The following FER1L6 variants were observed in gnomAD, a reference collection of about 807,000 sequenced individuals.
FER1L6 encodes fer-1 like family member 6.
A neutral mutation model predicts 219.2 loss-of-function variants in FER1L6; 177 were observed. That is an observed-to-expected ratio of 0.81 (90% confidence interval 0.71 to 0.91). The LOEUF is 0.91. Among genes scored for constraint, FER1L6 ranks in the 40% least tolerant of loss-of-function variants. The pLI is 0.00. For missense variants in FER1L6, 2,153 were observed against 2,259.9 expected (o/e 0.95, Z 0.96); for synonymous variants, 768 against 824.3 (o/e 0.93, Z 1.17).
At chr8:123,968,058 T>G (rs531631611) in intron 5 of FER1L6, among the ~76,000 whole-genome samples, 1 of 152,134 alleles carries the variant, frequency 6.6e-6, no homozygotes, top group African/African-American at 2.4e-5. Flanking sequence ...CCAAATCCCA[T>G]TGGAGCTAAT....
At chr8:123,967,064 A>G (rs1815573111) in intron 5 of FER1L6, among the ~76,000 whole-genome samples, 1 of 149,096 alleles carries the variant, frequency 6.7e-6, no homozygotes, top group East Asian at 2.0e-4. Flanking sequence ...CCTGGGTGAC[A>G]GAGTGAGACT....
intron 1 of FER1L6, among the ~76,000 whole-genome samples, chr8:123,931,444 C>G (rs1813758466): frequency 6.6e-6 from 1 of 152,166 alleles, no homozygotes. Flanking sequence ...TTGCTATGTA[C>G]ACATCTGTTG....
chr8:123,995,660 A>G (rs1186375791), intron 12 of FER1L6, among the ~76,000 whole-genome samples: 1 of 151,612 alleles, frequency 6.6e-6, no homozygotes, highest in African/African-American at 2.4e-5. Flanking sequence ...TGTTGTTTAG[A>G]TTTCATTTAG....
At chr8:123,856,098 GTATA>G (rs1367425868) in intron 1 of FER1L6, among the ~76,000 whole-genome samples, 2 of 86,398 alleles carry the variant, frequency 2.3e-5, no homozygotes, top group African/African-American at 8.1e-5. Context: ...TGAGATATAT[GTATA>G]TACATATGTG....
At chr8:123,950,234 C>T (rs867650209) in intron 1 of FER1L6, among the ~76,000 whole-genome samples, 1 of 152,122 alleles carries the variant, frequency 6.6e-6, no homozygotes. Context: ...ATAGCGCGGT[C>T]ATGTGTGATG....
At chr8:123,881,522 C>T (rs1817110133) in intron 1 of FER1L6, among the ~76,000 whole-genome samples, 1 of 152,116 alleles carries the variant, frequency 6.6e-6, no homozygotes, top group Non-Finnish European at 1.5e-5. Context: ...ATTCTTTTTC[C>T]TCTAAATAAG....
intron 19 of FER1L6, chr8:124,036,345 T>G (rs1411639123): frequency 6.6e-6 from 1 of 152,238 alleles, no homozygotes; most frequent in Non-Finnish European, 1.5e-5. Context: ...TCATGGTTTC[T>G]GTACCCCATA....
chr8:124,003,148 C>G lies in FER1L6; in HGVS notation c.1520-19C>G. ...ATTACCACCACCTGACCCCTTTCCC[C>G]TTGCTACTGCCTCTGCAGGTAATTT... On this transcript the variant is annotated intron_variant, in intron 12 of 40. Transcript: ENST00000522917. 1 of 1,609,982 alleles carries G rather than the reference C, an allele frequency of 6.2e-7. No homozygotes were observed. The highest frequency in any genetic ancestry group is 8.5e-7 in the Non-Finnish European group (1 of 1,177,398).
chr8:123,990,509 G>C (rs1816807393), intron 12 of FER1L6, among the ~76,000 whole-genome samples: 2 of 151,964 alleles, frequency 1.3e-5, no homozygotes. Flanking sequence ...ATGTTTATTG[G>C]CCATTTGTAT....
intron 1 of FER1L6, among the ~76,000 whole-genome samples, chr8:123,874,917 C>T (rs1022257480): frequency 1.3e-5 from 2 of 152,136 alleles, no homozygotes; most frequent in African/African-American, 4.8e-5. Flanking sequence ...AAATCTCAGG[C>T]CTAGTGTGGT....
rs759370637 is a variant in FER1L6 at position 124,119,706 on chromosome 8, TCTCATCATC to T, written c.5500_5508del (p.Leu1834_Ile1836del). ...AAAAGTACATCATCATTGCTTTCATTCTCATCATCCTCATCATCTTCCTCGTCCTTTTCA... is the reference window on the plus strand; with the variant it reads ...AAAAGTACATCATCATTGCTTTCATTCTCATCATCTTCCTCGTCCTTTTCA... On this transcript the variant is annotated inframe_deletion, in exon 41 of 41. Coordinates refer to ENST00000522917, the MANE Select transcript of FER1L6 (RefSeq NM_001039112.2). 1 of 1,613,562 alleles carries T rather than the reference TCTCATCATC, an allele frequency of 6.2e-7. No homozygotes were observed. The highest frequency in any genetic ancestry group is 1.3e-5 in the African/African-American group (1 of 75,008).
At chr8:124,106,353 AAAAAAAAAC>A in intron 39 of FER1L6, among the ~76,000 whole-genome samples, 1 of 150,514 alleles carries the variant, frequency 6.6e-6, no homozygotes, top group Admixed American at 6.6e-5. Flanking sequence ...AAAAAAAAAA[AAAAAAAAAC>A]AGAGTGGACG....
chr8:123,983,988 G>A (rs1460630198), intron 11 of FER1L6: 1 of 152,130 alleles, frequency 6.6e-6, no homozygotes, highest in Non-Finnish European at 1.5e-5. Context: ...ATAGTAAGAG[G>A]TCAGTAAACA....
At chr8:123,966,628 A>G (rs1815554687) in intron 5 of FER1L6, among the ~76,000 whole-genome samples, 1 of 152,198 alleles carries the variant, frequency 6.6e-6, no homozygotes, top group Non-Finnish European at 1.5e-5. Flanking sequence ...GAGAAGATAC[A>G]TATTCTTCTT....
intron 1 of FER1L6, among the ~76,000 whole-genome samples, chr8:123,874,711 GT>G (rs1816975789): frequency 6.6e-6 from 1 of 152,124 alleles, no homozygotes; most frequent in African/African-American, 2.4e-5. Flanking sequence ...CTGTATTCCA[GT>G]TGTTCTTCTC....
At chr8:124,096,110 G>C (rs1822275139) in intron 35 of FER1L6, among the ~76,000 whole-genome samples, 1 of 152,200 alleles carries the variant, frequency 6.6e-6, no homozygotes, top group South Asian at 2.1e-4. Flanking sequence ...TGCACGTGTG[G>C]ACGACCGCGT....
intron 12 of FER1L6, among the ~76,000 whole-genome samples, chr8:123,993,419 G>A (rs1174386790): frequency 6.7e-6 from 1 of 148,660 alleles, no homozygotes; most frequent in Non-Finnish European, 1.5e-5. Context: ...TCCAGCCTGG[G>A]CGACAGAGCG....
At chr8:123,898,671 G>T (rs182990058) in intron 1 of FER1L6, among the ~76,000 whole-genome samples, 3 of 133,624 alleles carry the variant, frequency 2.2e-5, no homozygotes, top group African/African-American at 3.3e-5. Flanking sequence ...ATATATATAC[G>T]TATATATATA....
intron 39 of FER1L6, among the ~76,000 whole-genome samples, chr8:124,110,755 C>T (rs1822987585): frequency 6.6e-6 from 1 of 152,144 alleles, no homozygotes; most frequent in African/African-American, 2.4e-5. Flanking sequence ...TCTAGATTCA[C>T]ATGGTCATCG....
Sources: allele counts gnomAD v4.1 joint callset (sites outside exome capture counted in the v4.1 genomes callset), GRCh38; gene constraint gnomAD v4.1.1; transcripts MANE v1.5; gene names NCBI Gene and HGNC (gene_info 2026-07-23, HGNC 2026-07-21).